The following UST variants were observed in gnomAD, a reference collection of about 807,000 sequenced individuals.
UST encodes uronyl 2-sulfotransferase.
In UST, 21 loss-of-function variants were observed where a neutral mutation model predicts 45.6. The observed-to-expected ratio is 0.46, with a 90% CI of 0.33 to 0.66. The LOEUF is 0.66. Among genes scored for constraint, UST ranks in the 30% least tolerant of loss-of-function variants. The pLI is 0.02. For missense variants in UST, 463 were observed against 512.4 expected (o/e 0.90, Z 0.93); for synonymous variants, 215 against 200.6 (o/e 1.07, Z -0.61).
At chr6:148,818,874 A>G (rs1052575136) in intron 1 of UST, among the ~76,000 whole-genome samples, 3 of 152,186 alleles carry the variant, frequency 2.0e-5, no homozygotes, top group African/African-American at 7.2e-5. Flanking sequence ...GAGACATGAG[A>G]AAGGAGAAAG....
At chr6:148,982,340 C>G (rs1361989436) in intron 5 of UST, among the ~76,000 whole-genome samples, 1 of 152,112 alleles carries the variant, frequency 6.6e-6, no homozygotes, top group Admixed American at 6.5e-5. Context: ...CTCAAATGAT[C>G]CGCCCAACTC....
intron 2 of UST, among the ~76,000 whole-genome samples, chr6:148,899,461 G>A (rs1307936212): frequency 6.6e-6 from 1 of 152,064 alleles, no homozygotes; most frequent in Non-Finnish European, 1.5e-5. Flanking sequence ...TAAAAATTAT[G>A]CATGCTTCTA....
chr6:149,013,399 G>A (rs1645273624), intron 5 of UST, among the ~76,000 whole-genome samples: 2 of 152,052 alleles, frequency 1.3e-5, no homozygotes, highest in South Asian at 4.1e-4. Context: ...GGTGGTGGCT[G>A]CCTGTAATCC....
At chr6:148,760,014 C>G (rs1259357303) in intron 1 of UST, among the ~76,000 whole-genome samples, 1 of 152,062 alleles carries the variant, frequency 6.6e-6, no homozygotes, top group African/African-American at 2.4e-5. Flanking sequence ...ATTGTAGCAA[C>G]TGAAACAAAT....
intron 1 of UST, among the ~76,000 whole-genome samples, chr6:148,827,519 G>A (rs745419865): frequency 6.6e-6 from 1 of 151,870 alleles, no homozygotes; most frequent in Non-Finnish European, 1.5e-5. Flanking sequence ...AGGAGGCTGA[G>A]GCAGGAGAAT....
intron 2 of UST, among the ~76,000 whole-genome samples, chr6:148,914,176 CT>C (rs1169423459): frequency 1.3e-4 from 20 of 152,288 alleles, no homozygotes; most frequent in African/African-American, 4.6e-4. Flanking sequence ...TTCCATTGTA[CT>C]GCATTAGGAG....
chr6:148,912,420 C>T (rs943292117), intron 2 of UST, among the ~76,000 whole-genome samples: 3 of 152,214 alleles, frequency 2.0e-5, no homozygotes, highest in Non-Finnish European at 4.4e-5. Context: ...CATATCCCTG[C>T]GTAAGTCCTG....
At chr6:148,881,603 C>G (rs1264664294) in intron 1 of UST, among the ~76,000 whole-genome samples, 1 of 152,134 alleles carries the variant, frequency 6.6e-6, no homozygotes, top group Admixed American at 6.5e-5. Context: ...GGTCCAGACC[C>G]TTGCCAGCCC....
intron 2 of UST, among the ~76,000 whole-genome samples, chr6:148,932,750 G>C (rs1266914464): frequency 6.6e-6 from 1 of 152,092 alleles, no homozygotes; most frequent in East Asian, 1.9e-4. Flanking sequence ...GAAAATTCTG[G>C]TACAGCATGC....
At chr6:149,041,341 G>T (rs1005609743) in intron 7 of UST, among the ~76,000 whole-genome samples, 1 of 152,226 alleles carries the variant, frequency 6.6e-6, no homozygotes, top group Non-Finnish European at 1.5e-5. Context: ...AGCCCAGCGA[G>T]CTATCGCTGC....
chr6:148,849,247 C>T (rs151117715), intron 1 of UST, among the ~76,000 whole-genome samples: 42 of 152,246 alleles, frequency 2.8e-4, no homozygotes, highest in Middle Eastern at 6.8e-3. Context: ...ATTAAGTTGA[C>T]GCCTAAAATT....
chr6:148,957,798 A>G (rs530984919), intron 4 of UST, among the ~76,000 whole-genome samples: 6 of 152,358 alleles, frequency 3.9e-5, no homozygotes, highest in African/African-American at 1.4e-4. Flanking sequence ...TTATAAAGAT[A>G]ATGAAGCTGA....
chr6:148,933,052 C>G (rs1779952288), intron 2 of UST, among the ~76,000 whole-genome samples: 1 of 152,136 alleles, frequency 6.6e-6, no homozygotes, highest in Non-Finnish European at 1.5e-5. Context: ...AGTGATAAAG[C>G]CAAGGGGAAT....
intron 7 of UST, among the ~76,000 whole-genome samples, chr6:149,032,867 G>T (rs954863746): frequency 6.6e-6 from 1 of 152,186 alleles, no homozygotes; most frequent in Non-Finnish European, 1.5e-5. Flanking sequence ...GGAGGTACCA[G>T]TGTGTTTCTG....
intron 1 of UST, among the ~76,000 whole-genome samples, chr6:148,830,644 A>G (rs1030810026): frequency 1.3e-5 from 2 of 152,252 alleles, no homozygotes; most frequent in African/African-American, 4.8e-5. Flanking sequence ...GGGACTGTCA[A>G]GTAAAAACAT....
chr6:148,995,706 T>C (rs1185718386), intron 5 of UST, among the ~76,000 whole-genome samples: 7 of 152,176 alleles, frequency 4.6e-5, no homozygotes, highest in Non-Finnish European at 1.0e-4. Context: ...AATTGAGAGA[T>C]CTCACACAAA....
At chr6:148,938,865 A>G (rs141224922) in intron 2 of UST, among the ~76,000 whole-genome samples, 39 of 151,822 alleles carry the variant, frequency 2.6e-4, no homozygotes, top group African/African-American at 9.2e-4. Context: ...TATAAAAATC[A>G]TTGTCCACTA....
At chr6:148,926,404 C>T (rs978926778) in intron 2 of UST, among the ~76,000 whole-genome samples, 1 of 152,228 alleles carries the variant, frequency 6.6e-6, no homozygotes, top group African/African-American at 2.4e-5. Context: ...GAGTGACCCA[C>T]ACAAGTGGAG....
intron 3 of UST, among the ~76,000 whole-genome samples, chr6:148,948,122 A>T (rs776616448): frequency 6.6e-6 from 1 of 152,108 alleles, no homozygotes; most frequent in African/African-American, 2.4e-5. Flanking sequence ...CCCGCAGGCC[A>T]TCCTGCCTCC....
Sources: gnomAD v4.1 joint callset for allele counts (sites outside exome capture counted in the v4.1 genomes callset) on GRCh38, gnomAD v4.1.1 for gene constraint, MANE v1.5 for transcripts, NCBI Gene and HGNC (gene_info 2026-07-23, HGNC 2026-07-21) for gene names.